ATP10B: variants seen among roughly 807,000 people sequenced by gnomAD.
The protein encoded by ATP10B is phospholipid-transporting ATPase VB.
In ATP10B, 122 loss-of-function variants were observed where a neutral mutation model predicts 141.2. The ratio of observed to expected loss-of-function variants is 0.86; its 90% CI spans 0.75 to 1.00. The LOEUF (loss-of-function observed/expected upper bound fraction) is 1.00, where lower values mean the gene tolerates loss of function less well. Ranked by LOEUF, ATP10B falls within the 50% of genes least tolerant of loss-of-function variation. The pLI is 0.00. For missense variants in ATP10B, 1,876 were observed against 1,825.3 expected (o/e 1.03, Z -0.51); for synonymous variants, 685 against 692.0 (o/e 0.99, Z 0.16).
chr5:160,603,873 G>A, intron 20 of ATP10B, 92 bp downstream of exon 20: 1 of 1,108,818 alleles, frequency 9.0e-7, no homozygotes, highest in Non-Finnish European at 1.4e-6. Flanking sequence ...GTGGGTGGAA[G>A]TTCTCAGGGA....
intron 7 of ATP10B, among the ~76,000 whole-genome samples, chr5:160,649,830 T>C (rs1760577807): frequency 6.6e-6 from 1 of 151,910 alleles, no homozygotes; most frequent in Non-Finnish European, 1.5e-5. Context: ...AATATATATA[T>C]CCATTAGCCA....
At chr5:160,876,975 A>G in the ATP10B span, among the ~76,000 whole-genome samples, 3 of 148,554 alleles carry the variant, frequency 2.0e-5, no homozygotes, top group East Asian at 4.1e-4. Flanking sequence ...AACTGGTACC[A>G]TTCCTTCTGA....
chr5:160,667,038 G>A (rs1048384470), intron 7 of ATP10B, among the ~76,000 whole-genome samples: 11 of 152,004 alleles, frequency 7.2e-5, no homozygotes, highest in Non-Finnish European at 1.6e-4. Context: ...CTAACACGGT[G>A]AAACCTCGTC....
At chr5:160,854,755 T>C (rs1010659903), upstream of ATP10B, among the ~76,000 whole-genome samples, 1 of 152,178 alleles carries the variant, frequency 6.6e-6, no homozygotes, top group African/African-American at 2.4e-5. Flanking sequence ...TCTTCTACAA[T>C]GGTTGAACTA....
chr5:160,689,912 A>C (rs1198557217), intron 3 of ATP10B, among the ~76,000 whole-genome samples: 1 of 151,790 alleles, frequency 6.6e-6, no homozygotes, highest in African/African-American at 2.4e-5. Flanking sequence ...AATCCTAAGC[A>C]AAAAAAGCAA....
chr5:160,687,074 C>A (rs778964491), intron 5 of ATP10B: 76 of 427,198 alleles, frequency 1.8e-4, no homozygotes, highest in Non-Finnish European at 6.2e-5. Flanking sequence ...TCAGGTAATG[C>A]AGTCTCTCTT....
the ATP10B span, among the ~76,000 whole-genome samples, chr5:160,912,085 G>A: frequency 2.0e-5 from 3 of 152,130 alleles, no homozygotes; most frequent in Non-Finnish European, 2.9e-5. Flanking sequence ...GGTGTTGAAA[G>A]GGTCTGTGTG....
chr5:160,894,599 G>T, the ATP10B span, among the ~76,000 whole-genome samples: 1 of 152,226 alleles, frequency 6.6e-6, no homozygotes, highest in South Asian at 2.1e-4. Flanking sequence ...GAAAGTGATG[G>T]GGAGAATGGA....
intron 2 of ATP10B, among the ~76,000 whole-genome samples, chr5:160,739,464 G>A (rs1363765149): frequency 5.3e-5 from 8 of 152,142 alleles, no homozygotes; most frequent in Non-Finnish European, 1.0e-4. Context: ...AAAGGTTGCA[G>A]AATACAAAGT....
chr5:160,678,885 T>A (rs1206410809), intron 6 of ATP10B, among the ~76,000 whole-genome samples: 1 of 152,200 alleles, frequency 6.6e-6, no homozygotes, highest in East Asian at 1.9e-4. Flanking sequence ...AAGCCCTCCA[T>A]GCCAAGCATC....
At chr5:160,799,537 G>A (rs1203308262) in intron 1 of ATP10B, among the ~76,000 whole-genome samples, 1 of 152,116 alleles carries the variant, frequency 6.6e-6, no homozygotes, top group Non-Finnish European at 1.5e-5. Context: ...TGCTGACATT[G>A]GTATGAAAAG....
chr5:160,684,312 T>G (rs182581080), intron 6 of ATP10B, among the ~76,000 whole-genome samples: 14 of 152,346 alleles, frequency 9.2e-5, no homozygotes, highest in African/African-American at 3.4e-4. Flanking sequence ...CTCCTGCAAC[T>G]CTCACAACCA....
intron 22 of ATP10B, among the ~76,000 whole-genome samples, chr5:160,591,707 C>T (rs939631984): frequency 3.9e-5 from 6 of 152,098 alleles, no homozygotes; most frequent in African/African-American, 1.2e-4. Flanking sequence ...TGTGCCTTCC[C>T]CAGGAAAAGT....
chr5:160,876,984 G>A, the ATP10B span, among the ~76,000 whole-genome samples: 2,921 of 148,922 alleles, frequency 0.02, 98 homozygotes, highest in African/African-American at 0.067. Flanking sequence ...CATTCCTTCT[G>A]AAACTATTCC....
the ATP10B span, among the ~76,000 whole-genome samples, chr5:160,885,445 A>G: frequency 2.0e-5 from 3 of 152,250 alleles, no homozygotes; most frequent in Non-Finnish European, 4.4e-5. Flanking sequence ...TAAACAATGG[A>G]CCCAGAAATA....
intron 6 of ATP10B, among the ~76,000 whole-genome samples, chr5:160,675,931 G>C (rs570044463): frequency 6.6e-6 from 1 of 152,098 alleles, no homozygotes; most frequent in African/African-American, 2.4e-5. Context: ...GGACACATGT[G>C]ATATTTACCA....
At chr5:160,720,964 G>A (rs113800642) in intron 2 of ATP10B, among the ~76,000 whole-genome samples, 7 of 152,188 alleles carry the variant, frequency 4.6e-5, no homozygotes, top group African/African-American at 1.4e-4. Flanking sequence ...GTGAATAATT[G>A]GCATAAGAGT....
intron 1 of ATP10B, among the ~76,000 whole-genome samples, chr5:160,805,285 T>C (rs543927330): frequency 2.0e-5 from 3 of 152,348 alleles, no homozygotes; most frequent in East Asian, 3.9e-4. Context: ...AAAAATAATT[T>C]AGCAGTAATT....
intron 9 of ATP10B, among the ~76,000 whole-genome samples, chr5:160,641,078 A>C (rs906301661): frequency 4.6e-5 from 7 of 152,206 alleles, no homozygotes; most frequent in African/African-American, 1.7e-4. Context: ...AGAAGGGATA[A>C]TTATCATTAT....
Sources: allele counts gnomAD v4.1 joint callset (sites outside exome capture counted in the v4.1 genomes callset), GRCh38; gene constraint gnomAD v4.1.1; transcripts MANE v1.5; gene names NCBI Gene and HGNC (gene_info 2026-07-23, HGNC 2026-07-21).